TRIM2: variants seen among roughly 807,000 people sequenced by gnomAD.
TRIM2 encodes tripartite motif-containing protein 2.
Under a neutral mutation model 75.2 loss-of-function variants are expected in TRIM2, and 20 were observed. The observed-to-expected ratio is 0.27, with a 90% CI of 0.19 to 0.39. The LOEUF (loss-of-function observed/expected upper bound fraction) is 0.39. TRIM2 is among the 10% of genes least tolerant of loss of function. The pLI is 1.00. For synonymous variants in TRIM2, 373 were observed against 388.3 expected, an observed-to-expected ratio of 0.96 and a Z score of 0.46; for missense variants, 660 against 990.8, an observed-to-expected ratio of 0.67 and a Z score of 4.48.
At chr4:153,183,398 G>A (rs1285676601) in intron 1 of TRIM2, among the ~76,000 whole-genome samples, 1 of 152,214 alleles carries the variant, frequency 6.6e-6, no homozygotes, top group African/African-American at 2.4e-5. Context: ...GAGGGGCGGA[G>A]AACAGCTGCT....
chr4:153,250,084 G>T (rs1489310430), intron 1 of TRIM2, among the ~76,000 whole-genome samples: 1 of 150,536 alleles, frequency 6.6e-6, no homozygotes, highest in African/African-American at 2.4e-5. Context: ...ATCAGTGCAT[G>T]GCAGAGCCTT....
At chr4:153,215,810 AT>A (rs930526008) in intron 1 of TRIM2, among the ~76,000 whole-genome samples, 2 of 151,910 alleles carry the variant, frequency 1.3e-5, no homozygotes, top group African/African-American at 4.8e-5. Flanking sequence ...ATCAATTATC[AT>A]TTTTTTTCAC....
intron 6 of TRIM2, among the ~76,000 whole-genome samples, chr4:153,299,985 C>T (rs965056950): frequency 6.6e-6 from 1 of 152,294 alleles, no homozygotes; most frequent in Admixed American, 6.5e-5. Context: ...ACCATTACTC[C>T]GTTTGCAAGT....
intron 1 of TRIM2, among the ~76,000 whole-genome samples, chr4:153,189,683 T>C (rs1732987644): frequency 6.6e-6 from 1 of 152,244 alleles, no homozygotes; most frequent in Non-Finnish European, 1.5e-5. Flanking sequence ...CTGTGTCTTG[T>C]TTAATCATTG....
intron 1 of TRIM2, among the ~76,000 whole-genome samples, chr4:153,173,114 T>C (rs916349173): frequency 3.3e-5 from 5 of 152,134 alleles, no homozygotes; most frequent in African/African-American, 1.2e-4. Context: ...TGGGTTTAGG[T>C]GTCTCTAATC....
chr4:153,208,110 A>G (rs1735974893), intron 1 of TRIM2, among the ~76,000 whole-genome samples: 1 of 152,184 alleles, frequency 6.6e-6, no homozygotes, highest in African/African-American at 2.4e-5. Context: ...AGCCTGGGCA[A>G]CATAGTTAGA....
rs3048122 is a variant in TRIM2, at chr4:153,280,384, C to CTTTTTTTTTTTT, written c.453+4259_453+4270dup. 7.7e-5 allele frequency among the ~76,000 whole-genome samples: 9 copies of CTTTTTTTTTTTT among 116,980 alleles called. 1 individual carries two copies. The highest frequency in any genetic ancestry group is 1.8e-4 in the Admixed American group (2 of 10,858). 76.7% of individuals were successfully genotyped at this position (116,980 alleles called of 152,430 possible). A position where few individuals can be genotyped will look rare whatever the true frequency, so the allele number is the denominator to read the frequency against. ...TTAATTAAAATACCCCAGCAAATTC[C>CTTTTTTTTTTTT]TTTTTTTTTTTTTTTTGCTGGGTCT... On this transcript the variant is annotated intron_variant, in intron 3 of 11. Transcript: ENST00000338700.
At chr4:153,306,145 G>C (rs762097841) in intron 6 of TRIM2, among the ~76,000 whole-genome samples, 2 of 150,006 alleles carry the variant, frequency 1.3e-5, no homozygotes, top group Non-Finnish European at 3.0e-5. Flanking sequence ...AAAAAAAAAA[G>C]TTTAATTGCT....
chr4:153,321,521 T>C (rs181423343), intron 8 of TRIM2, among the ~76,000 whole-genome samples: 4 of 152,210 alleles, frequency 2.6e-5, no homozygotes, highest in Admixed American at 2.0e-4. Context: ...CAAATGCTTT[T>C]CCCCTATTTT....
At chr4:153,244,392 T>TCTTCTCCTTCTC (rs1748253953) in intron 1 of TRIM2, among the ~76,000 whole-genome samples, 1 of 80,554 alleles carries the variant, frequency 1.2e-5, no homozygotes, top group Non-Finnish European at 2.2e-5. Context: ...TTCTTCTTCT[T>TCTTCTCCTTCTC]CTTCTTCTTC....
chr4:153,186,396 A>T lies in TRIM2; in HGVS notation c.-49+33126A>T, dbSNP rs180769329. On this transcript the variant is annotated intron_variant, in intron 1 of 11. Transcript: ENST00000437508. ...TCTTTAGAATATCGTGCTTTAAAAA[A>T]ATCAGAAGAAATATGGAGGGCATTT... Among the ~76,000 whole-genome samples, 10 of 152,348 alleles carry T rather than the reference A, an allele frequency of 6.6e-5. No individual in the cohort carries two copies. The East Asian group carries it at 1.9e-3, about 29-fold the overall frequency.
intron 1 of TRIM2, among the ~76,000 whole-genome samples, chr4:153,249,994 G>A (rs540422914): frequency 6.6e-6 from 1 of 152,288 alleles, no homozygotes; most frequent in Admixed American, 6.5e-5. Context: ...TTGTGTTTGC[G>A]TGCTTTTGCT....
At chr4:153,267,823 C>G (rs1755657986) in intron 1 of TRIM2, among the ~76,000 whole-genome samples, 1 of 151,932 alleles carries the variant, frequency 6.6e-6, no homozygotes, top group Non-Finnish European at 1.5e-5. Flanking sequence ...AACCACCCAA[C>G]AGGTTCACCT....
chr4:153,322,907 C>T (rs1160553780), intron 9 of TRIM2, 91 bp downstream of exon 9: 2 of 1,493,614 alleles, frequency 1.3e-6, no homozygotes, highest in Admixed American at 1.9e-5. Flanking sequence ...ACACCGCATC[C>T]CTAGTGTGTT....
chr4:153,247,995 GTTTT>G (rs34416658), intron 1 of TRIM2, among the ~76,000 whole-genome samples: 3 of 128,714 alleles, frequency 2.3e-5, no homozygotes, highest in Non-Finnish European at 1.6e-5. Flanking sequence ...TGGATCATGT[GTTTT>G]TTTTTTTTTT....
In TRIM2 at chr4:153,244,260, TCCTCCTCCTCCTCCTCCTCCTCC is replaced by T. The variant is rs1747762266; in HGVS notation, c.31-26074_31-26052del. On this transcript the variant is annotated intron_variant, in intron 1 of 11. Coordinates refer to ENST00000338700, the MANE Select transcript of TRIM2 (RefSeq NM_015271.5). ...TCTTCTCCTTCCTCTTCTTTCCTCC[TCCTCCTCCTCCTCCTCCTCCTCC>T]TCCTCCTCCTCCTCCTCCTCCTCCT... is the stretch of plus-strand genomic sequence containing the variant. 1.8e-3 allele frequency among the ~76,000 whole-genome samples: 8 copies of T among 4,426 alleles called. 1 individual carries two copies. The highest frequency in any genetic ancestry group is 3.3e-3 in the Non-Finnish European group (7 of 2,150). 2.9% of individuals were successfully genotyped at this position (4,426 alleles called of 152,430 possible).
chr4:153,335,826 T>C lies in TRIM2; in HGVS notation c.*860T>C. On this transcript the variant is annotated 3_prime_UTR_variant, in exon 12 of 12. Coordinates refer to ENST00000338700, the MANE Select transcript of TRIM2 (RefSeq NM_015271.5). Reference sequence around the variant, plus strand: ...ACCATGTTTTCACACGTGTCTCTTCTCTTCGACTTCCTGAAAGCGAAAGCT... The same window carrying C: ...ACCATGTTTTCACACGTGTCTCTTCCCTTCGACTTCCTGAAAGCGAAAGCT... 2 of 985,828 alleles carry C rather than the reference T, an allele frequency of 2.0e-6. No individual in the cohort carries two copies. The highest frequency in any genetic ancestry group is 2.4e-6 in the Non-Finnish European group (2 of 829,916). The allele number at this position is 985,828 out of a possible 1,614,324, so 61.1% of individuals were successfully genotyped here.
chr4:153,205,928 G>A (rs1735296563), intron 1 of TRIM2, among the ~76,000 whole-genome samples: 1 of 152,206 alleles, frequency 6.6e-6, no homozygotes, highest in South Asian at 2.1e-4. Context: ...TAGAGCCCTG[G>A]AGAGGGATGA....
intron 1 of TRIM2, among the ~76,000 whole-genome samples, chr4:153,183,624 G>T (rs1212496766): frequency 2.6e-5 from 4 of 152,188 alleles, no homozygotes; most frequent in African/African-American, 9.7e-5. Context: ...GTTGTGCAGG[G>T]ATGAGCAGAG....
Sources: gnomAD v4.1 joint callset for allele counts (sites outside exome capture counted in the v4.1 genomes callset) on GRCh38, gnomAD v4.1.1 for gene constraint, MANE v1.5 for transcripts, NCBI Gene and HGNC (gene_info 2026-07-23, HGNC 2026-07-21) for gene names.